LHFPL4: variants seen among roughly 807,000 people sequenced by gnomAD.
LHFPL4 encodes the protein LHFPL tetraspan subfamily member 4 protein.
LHFPL4 carries 6 observed loss-of-function variants against 20.0 expected under a neutral mutation model. The ratio of observed to expected loss-of-function variants is 0.30; its 90% CI spans 0.16 to 0.59. The LOEUF (loss-of-function observed/expected upper bound fraction) is 0.59. Among genes scored for constraint, LHFPL4 ranks in the 20% least tolerant of loss-of-function variants. LHFPL4 has a pLI of 0.88. For missense variants in LHFPL4, 215 were observed against 331.2 expected (o/e 0.65, Z 2.72); for synonymous variants, 129 against 143.8 (o/e 0.90, Z 0.74).
intron 2 of LHFPL4, among the ~76,000 whole-genome samples, chr3:9,510,626 GTGATA>G (rs2046251644): frequency 1.3e-5 from 2 of 151,876 alleles, no homozygotes; most frequent in South Asian, 4.2e-4. Context: ...TTTTAATATT[GTGATA>G]CTATTGTTAA....
chr3:9,505,610 G>C (rs1208474267), intron 3 of LHFPL4, among the ~76,000 whole-genome samples: 1 of 152,102 alleles, frequency 6.6e-6, no homozygotes, highest in African/African-American at 2.4e-5. Flanking sequence ...ATTTTTAGTA[G>C]AGACAGGGTT....
At chr3:9,524,490 A>G (rs2046361219) in intron 2 of LHFPL4, among the ~76,000 whole-genome samples, 1 of 152,026 alleles carries the variant, frequency 6.6e-6, no homozygotes, top group African/African-American at 2.4e-5. Flanking sequence ...CTACTGACAT[A>G]TCTTTGAATT....
intron 2 of LHFPL4, among the ~76,000 whole-genome samples, chr3:9,540,737 T>TAA (rs1306746812): frequency 1.3e-4 from 18 of 141,612 alleles, no homozygotes; most frequent in Non-Finnish European, 2.3e-4. Context: ...TTCAAAAATT[T>TAA]AAAAAAAAAA....
At chr3:9,526,336 C>T (rs1043718045) in intron 2 of LHFPL4, among the ~76,000 whole-genome samples, 11 of 152,040 alleles carry the variant, frequency 7.2e-5, no homozygotes, top group African/African-American at 2.4e-4. Flanking sequence ...TGTGAATGTA[C>T]TTGATGCTAG....
chr3:9,546,007 C>A (rs1055990871), intron 2 of LHFPL4, among the ~76,000 whole-genome samples: 3 of 151,986 alleles, frequency 2.0e-5, no homozygotes, highest in South Asian at 2.1e-4. Flanking sequence ...GCCCAGAGAC[C>A]CTGATAATTA....
intron 2 of LHFPL4, among the ~76,000 whole-genome samples, chr3:9,518,819 C>A (rs1265117833): frequency 6.7e-6 from 1 of 149,536 alleles, no homozygotes; most frequent in East Asian, 2.0e-4. Context: ...GGCTGGAGTA[C>A]AATGGCTCAC....
rs1268691069 is a variant in LHFPL4, at chr3:9,553,778, G to T, written c.-262C>A. 6.6e-6 allele frequency: 1 copy of T among 150,656 alleles called. No homozygotes were observed. The highest frequency in any genetic ancestry group is 2.4e-5 in the African/African-American group (1 of 41,274). 9.3% of individuals were successfully genotyped at this position (150,656 alleles called of 1,614,324 possible). On this transcript the variant is annotated 5_prime_UTR_variant, in exon 1 of 4. Coordinates refer to ENST00000287585, the MANE Select transcript of LHFPL4 (RefSeq NM_198560.3). Reference sequence around the variant, plus strand: ...CAGCGGCTGCCTCGGCCCAGGCGGCGGCCTCTGCGCGGCCTCCATCTTGCT... The same window carrying T: ...CAGCGGCTGCCTCGGCCCAGGCGGCTGCCTCTGCGCGGCCTCCATCTTGCT...
intron 2 of LHFPL4, among the ~76,000 whole-genome samples, chr3:9,528,921 CTT>C (rs113439233): frequency 2.0e-4 from 28 of 142,952 alleles, no homozygotes; most frequent in East Asian, 8.2e-4. Context: ...AGCCCCCCAA[CTT>C]TTTTTTTTTT....
At position 9,511,584 on chromosome 3, in the gene LHFPL4, G is replaced by A. The variant is rs1255220220; in HGVS notation, c.407-5381C>T. Among the ~76,000 whole-genome samples, 3 of 152,176 alleles carry A rather than the reference G, an allele frequency of 2.0e-5. No individual in the cohort carries two copies. In the East Asian group the frequency reaches 5.8e-4, roughly 29 times the overall value. ...AAACTTAAATTACTTTCAAAGAGAA[G>A]GAAACCAGGATCATTTGCCATAAAT... On this transcript the variant is annotated intron_variant, in intron 2 of 3. Coordinates refer to ENST00000287585, the MANE Select transcript of LHFPL4 (RefSeq NM_198560.3).
intron 2 of LHFPL4, among the ~76,000 whole-genome samples, chr3:9,549,022 A>G (rs1205753865): frequency 1.3e-5 from 2 of 152,178 alleles, no homozygotes; most frequent in Non-Finnish European, 1.5e-5. Context: ...GCGTGATTTG[A>G]ACATCTGGAT....
intron 2 of LHFPL4, among the ~76,000 whole-genome samples, chr3:9,542,635 C>T (rs1305818752): frequency 1.3e-5 from 2 of 151,768 alleles, no homozygotes; most frequent in Non-Finnish European, 2.9e-5. Context: ...AGAGAGACCT[C>T]GTTTCTACCA....
intron 2 of LHFPL4, among the ~76,000 whole-genome samples, chr3:9,526,230 G>C (rs1462444170): frequency 6.6e-6 from 1 of 152,124 alleles, no homozygotes; most frequent in Non-Finnish European, 1.5e-5. Context: ...TCGGGGGAGG[G>C]AGGAATGCGG....
At chr3:9,529,746 G>A (rs377022296) in intron 2 of LHFPL4, among the ~76,000 whole-genome samples, 4 of 151,954 alleles carry the variant, frequency 2.6e-5, no homozygotes, top group East Asian at 3.9e-4. Context: ...GCAAGTCTCT[G>A]CCTCAGGCTC....
chr3:9,549,036 T>TC (rs2046535663), intron 2 of LHFPL4, among the ~76,000 whole-genome samples: 1 of 152,188 alleles, frequency 6.6e-6, no homozygotes, highest in Non-Finnish European at 1.5e-5. Flanking sequence ...TCTGGATCTG[T>TC]CCATGCCCGA....
chr3:9,513,684 A>T (rs1171267974), intron 2 of LHFPL4, among the ~76,000 whole-genome samples: 1 of 152,196 alleles, frequency 6.6e-6, no homozygotes, highest in African/African-American at 2.4e-5. Context: ...ATGCAGTCGA[A>T]CCTAGTCCTA....
In LHFPL4 at chr3:9,527,092, T is replaced by C. The variant is rs1181094495; in HGVS notation, c.407-20889A>G. ...GAAGTAAGCAGGGGTACACAGAAGA[T>C]GACATGATATAGTTTCCTTATGGAT... On this transcript the variant is annotated intron_variant, in intron 2 of 3. Transcript: ENST00000287585. Among the ~76,000 whole-genome samples the C allele has an allele frequency of 2.0e-5, 3 of 151,698 alleles. No individual in the cohort carries two copies. The East Asian group carries it at 5.8e-4, about 29-fold the overall frequency.
At chr3:9,525,108 A>G (rs1346647890) in intron 2 of LHFPL4, among the ~76,000 whole-genome samples, 3 of 152,050 alleles carry the variant, frequency 2.0e-5, no homozygotes, top group Non-Finnish European at 4.4e-5. Flanking sequence ...GGCTCTAGTC[A>G]CCTAGTTTCT....
chr3:9,531,600 G>A (rs1297544920), intron 2 of LHFPL4, among the ~76,000 whole-genome samples: 1 of 152,086 alleles, frequency 6.6e-6, no homozygotes, highest in African/African-American at 2.4e-5. Flanking sequence ...ATAACAATTC[G>A]AGACCAGCCT....
At chr3:9,515,396 C>T (rs755081403) in intron 2 of LHFPL4, among the ~76,000 whole-genome samples, 10 of 152,064 alleles carry the variant, frequency 6.6e-5, no homozygotes, top group Non-Finnish European at 8.8e-5. Flanking sequence ...TTTTTTGAGA[C>T]GGAGTCTCGC....
Sources: gnomAD v4.1 joint callset for allele counts (sites outside exome capture counted in the v4.1 genomes callset) on GRCh38, gnomAD v4.1.1 for gene constraint, MANE v1.5 for transcripts, NCBI Gene and HGNC (gene_info 2026-07-23, HGNC 2026-07-21) for gene names.